VCAN: variants seen among roughly 807,000 people sequenced by gnomAD.
The protein encoded by VCAN is versican, also known as versican core protein.
Under a neutral mutation model 245.5 loss-of-function variants are expected in VCAN, and 44 were observed. That is an observed-to-expected ratio of 0.18 (90% CI 0.14 to 0.23). The LOEUF (loss-of-function observed/expected upper bound fraction) is 0.23. Ranked by LOEUF, VCAN falls within the 10% of genes least tolerant of loss-of-function variation. The probability of loss-of-function intolerance (pLI) is 1.00; values close to 1 mark genes in which losing one functional copy is unlikely to be tolerated. For missense variants in VCAN, 3,793 were observed against 4,057.9 expected (o/e 0.93, Z 1.77); for synonymous variants, 1,413 against 1,437.0 (o/e 0.98, Z 0.38).
chr5:83,484,423 C>T (rs552738303), intron 2 of VCAN, among the ~76,000 whole-genome samples: 1 of 152,084 alleles, frequency 6.6e-6, no homozygotes, highest in African/African-American at 2.4e-5. Flanking sequence ...TGTATTCATC[C>T]ATCCATCCAT....
intron 2 of VCAN, among the ~76,000 whole-genome samples, chr5:83,488,834 C>T (rs1359934538): frequency 6.6e-6 from 1 of 151,928 alleles, no homozygotes; most frequent in Non-Finnish European, 1.5e-5. Context: ...AAATATGATA[C>T]TATATTAATT....
chr5:83,558,822 A>G (rs1222507549), intron 12 of VCAN, among the ~76,000 whole-genome samples: 1 of 152,122 alleles, frequency 6.6e-6, no homozygotes, highest in African/African-American at 2.4e-5. Flanking sequence ...CCAAATTCTC[A>G]TTTCTGTTAT....
At chr5:83,561,870 G>A (rs1017376293) in intron 12 of VCAN, among the ~76,000 whole-genome samples, 2 of 152,094 alleles carry the variant, frequency 1.3e-5, no homozygotes, top group Admixed American at 6.6e-5. Context: ...TCTCCCAGAT[G>A]TCTTGGACAT....
chr5:83,574,101 T>C (rs1748389788), intron 13 of VCAN, among the ~76,000 whole-genome samples: 3 of 152,154 alleles, frequency 2.0e-5, no homozygotes, highest in Non-Finnish European at 4.4e-5. Flanking sequence ...CTGATGTCCA[T>C]GGTGGCAGAA....
At chr5:83,549,420 T>C (rs919996653) in intron 10 of VCAN, among the ~76,000 whole-genome samples, 2 of 152,142 alleles carry the variant, frequency 1.3e-5, no homozygotes, top group Non-Finnish European at 2.9e-5. Context: ...GGGCTAGAAA[T>C]TAAGGCTCAG....
chr5:83,509,486 T>A (rs567900767), intron 5 of VCAN, among the ~76,000 whole-genome samples: 1 of 152,350 alleles, frequency 6.6e-6, no homozygotes, highest in South Asian at 2.1e-4. Context: ...AAGTTGATGT[T>A]CCTCAATAGA....
intron 3 of VCAN, among the ~76,000 whole-genome samples, chr5:83,491,675 C>T (rs1250358402): frequency 1.1e-4 from 16 of 152,056 alleles, no homozygotes; most frequent in Non-Finnish European, 1.5e-4. Flanking sequence ...TGGATTTGCC[C>T]CTTGCCCCTC....
intron 13 of VCAN, among the ~76,000 whole-genome samples, chr5:83,574,770 C>A (rs1210112606): frequency 6.6e-6 from 1 of 152,038 alleles, no homozygotes; most frequent in Non-Finnish European, 1.5e-5. Flanking sequence ...AAATGCCATC[C>A]TTATATCTGT....
intron 5 of VCAN, among the ~76,000 whole-genome samples, chr5:83,495,525 C>A (rs1745130681): frequency 6.6e-6 from 1 of 152,092 alleles, no homozygotes; most frequent in African/African-American, 2.4e-5. Flanking sequence ...TAGAGCTTTT[C>A]TCTTGCCTTT....
chr5:83,490,962 A>T (rs537080254), intron 3 of VCAN, among the ~76,000 whole-genome samples: 1 of 152,246 alleles, frequency 6.6e-6, no homozygotes, highest in African/African-American at 2.4e-5. Context: ...TTCTATCTTA[A>T]CTTATACCGA....
intron 7 of VCAN, among the ~76,000 whole-genome samples, chr5:83,525,230 G>C (rs1746249021): frequency 6.6e-6 from 1 of 151,944 alleles, no homozygotes; most frequent in Non-Finnish European, 1.5e-5. Flanking sequence ...GCTGAAAAAT[G>C]CTATGGGGTG....
At chr5:83,517,678 A>G (rs1429524073) in intron 6 of VCAN, among the ~76,000 whole-genome samples, 1 of 152,202 alleles carries the variant, frequency 6.6e-6, no homozygotes, top group African/African-American at 2.4e-5. Flanking sequence ...ATGAATGTAG[A>G]AAAAGCTTTT....
intron 12 of VCAN, among the ~76,000 whole-genome samples, chr5:83,571,699 T>C (rs745315851): frequency 1.2e-4 from 19 of 152,286 alleles, no homozygotes; most frequent in Middle Eastern, 6.8e-3. Context: ...TATATCAATA[T>C]GCATAAATGT....
rs911836087 is a variant in VCAN, at chr5:83,472,043, T to C, written c.-7+20T>C. On this transcript the variant is annotated intron_variant, in intron 1 of 14. Transcript: ENST00000265077. ...TCCAAGGTAATCACGTTTCTTTTGT[T>C]CCCCCCTTAAAAAACAAAAACAAAA... 5 of 341,640 alleles carry C rather than the reference T, an allele frequency of 1.5e-5. No homozygotes were observed. The highest frequency in any genetic ancestry group is 2.6e-5 in the Non-Finnish European group (5 of 191,830). The allele number at this position is 341,640 out of a possible 1,614,324, so 21.2% of individuals were successfully genotyped here. A position where few individuals can be genotyped will look rare whatever the true frequency, so the allele number is the denominator to read the frequency against.
At position 83,538,887 on chromosome 5, in the gene VCAN, G is replaced by A; in HGVS notation, c.5884G>A (p.Ala1962Thr). 6.2e-7 allele frequency: 1 copy of A among 1,613,960 alleles called. No homozygotes were observed. The change falls in exon 8 of 15, where the codon GCA becomes ACA. Residue 1962 changes from alanine to threonine, a missense_variant. This residue lies in a region of VCAN where 3,182 missense variants were observed against 3,250.3 expected (regional missense o/e 0.98). Coordinates refer to ENST00000265077, the MANE Select transcript of VCAN (RefSeq NM_004385.5). ...ETVMMEGSGDAAFRDTQTSPS... is the reference protein window; with the variant it reads ...ETVMMEGSGDTAFRDTQTSPS... The stretch of plus-strand genomic sequence containing the variant: ...GGTAATGATGGAAGGCTCTGGAGAT[G>A]CAGCATTTAGGGACACCCAGACTTC...
At chr5:83,534,975 C>T (rs553652102) in intron 7 of VCAN, among the ~76,000 whole-genome samples, 9 of 152,016 alleles carry the variant, frequency 5.9e-5, no homozygotes, top group East Asian at 3.9e-4. Context: ...ATATAAGATC[C>T]GAGTAACAAC....
intron 3 of VCAN, among the ~76,000 whole-genome samples, chr5:83,492,007 G>T (rs952217822): frequency 1.3e-5 from 2 of 151,846 alleles, no homozygotes; most frequent in African/African-American, 4.8e-5. Flanking sequence ...TTCTATAAAG[G>T]TACAAATTGG....
chr5:83,512,124 T>C lies in VCAN; in HGVS notation c.770T>C (p.Val257Ala), dbSNP rs1283231191. ...CCAGGTGATGTGTTCCACCTCACTG[T>C]CCCCAGTAAATTCACCTTCGAGGAG... ...HLDGDVFHLT[V>A]PSKFTFEEAA... Residue 257 changes from valine to alanine, a missense_variant, in exon 6 of 15, where the codon GTC becomes GCC. By Grantham distance (64) the Val-to-Ala change is moderately conservative (BLOSUM62 0). Around this residue, in one of 5 missense-constraint regions of VCAN, gnomAD observed 190 missense variants for 288.6 expected, o/e 0.66. Coordinates refer to ENST00000265077, the MANE Select transcript of VCAN (RefSeq NM_004385.5). The C allele has an allele frequency of 1.2e-6, 2 of 1,614,170 alleles. No individual in the cohort carries two copies. The highest frequency in any genetic ancestry group is 1.7e-6 in the Non-Finnish European group (2 of 1,180,038).
rs765108283 is a variant in VCAN at position 83,580,418 on chromosome 5, A to G, written c.10175A>G (p.Gln3392Arg). Residue 3392 changes from glutamine (Q) to arginine (R), a missense_variant, in exon 15 of 15, where the codon CAG becomes CGG. Coordinates refer to ENST00000265077, the MANE Select transcript of VCAN (RefSeq NM_004385.5). ...KHDHRWSRRW[Q>R]ESRR Reference sequence around the variant, plus strand: ...GATCATCGTTGGAGCCGGAGGTGGCAGGAGTCGAGGCGCTGATCCCTAAAA... The same window carrying G: ...GATCATCGTTGGAGCCGGAGGTGGCGGGAGTCGAGGCGCTGATCCCTAAAA... 4.3e-6 allele frequency: 7 copies of G among 1,613,898 alleles called. No homozygotes were observed. The highest frequency in any genetic ancestry group is 1.7e-6 in the Non-Finnish European group (2 of 1,179,910).
Sources: allele counts gnomAD v4.1 joint callset (sites outside exome capture counted in the v4.1 genomes callset), GRCh38; gene constraint gnomAD v4.1.1; regional missense constraint gnomAD v4.1.1; transcripts MANE v1.5; gene names NCBI Gene and HGNC (gene_info 2026-07-23, HGNC 2026-07-21).